The following PKIB variants were observed in gnomAD, a reference collection of about 807,000 sequenced individuals.
The protein encoded by PKIB is cAMP-dependent protein kinase inhibitor beta.
A neutral mutation model predicts 4.5 loss-of-function variants in PKIB; 2 were observed. The ratio of observed to expected loss-of-function variants is 0.44; its 90% CI spans 0.18 to 1.39. The LOEUF (loss-of-function observed/expected upper bound fraction) is 1.39. Among genes scored for constraint, PKIB ranks in the 40% most tolerant of loss-of-function variants. The pLI is 0.27. For synonymous variants in PKIB, 38 were observed against 36.0 expected (o/e 1.06, Z -0.20); for missense variants, 94 against 92.6 (o/e 1.02, Z -0.06).
At chr6:122,554,401 T>C (rs1369537291) in intron 2 of PKIB, among the ~76,000 whole-genome samples, 1 of 152,234 alleles carries the variant, frequency 6.6e-6, no homozygotes, top group African/African-American at 2.4e-5. Flanking sequence ...AAATATAATG[T>C]TAAATAAATC....
At chr6:122,606,761 C>A (rs965423319), upstream of PKIB, among the ~76,000 whole-genome samples, 2 of 151,826 alleles carry the variant, frequency 1.3e-5, no homozygotes, top group Non-Finnish European at 2.9e-5. Context: ...ACTAACCCAC[C>A]AGCATATAAA....
intron 3 of PKIB, 55 bp downstream of exon 3, chr6:122,675,199 A>G (rs894128959): frequency 6.6e-6 from 1 of 152,632 alleles, no homozygotes; most frequent in Non-Finnish European, 1.5e-5. Context: ...TTGTGAAAGA[A>G]ATGGTTCCTA....
At chr6:122,471,957 T>G in exon 1 of PKIB, 1 of 1,092,368 alleles carries the variant, frequency 9.2e-7, no homozygotes, top group East Asian at 2.8e-5. Flanking sequence ...GCTGTCTTCT[T>G]TCCTGGAGAA....
intron 2 of PKIB, among the ~76,000 whole-genome samples, chr6:122,530,178 C>T (rs1582679007): frequency 6.6e-6 from 1 of 151,960 alleles, no homozygotes; most frequent in African/African-American, 2.4e-5. Flanking sequence ...CAAGTTTGCT[C>T]ATTATTTCAT....
At chr6:122,656,488 A>G (rs747473249) in intron 2 of PKIB, among the ~76,000 whole-genome samples, 2 of 152,212 alleles carry the variant, frequency 1.3e-5, no homozygotes, top group Non-Finnish European at 2.9e-5. Flanking sequence ...TTGTTCCCAT[A>G]ACATCAAGCA....
chr6:122,521,654 T>C (rs1294558040), intron 2 of PKIB, among the ~76,000 whole-genome samples: 1 of 152,094 alleles, frequency 6.6e-6, no homozygotes, highest in Non-Finnish European at 1.5e-5. Context: ...CACTCCAGCC[T>C]GGGTGACAGA....
chr6:122,598,632 G>T (rs1774250154), intron 3 of PKIB, among the ~76,000 whole-genome samples: 1 of 152,228 alleles, frequency 6.6e-6, no homozygotes, highest in South Asian at 2.1e-4. Context: ...AACCCTCCCA[G>T]CTGGGATGAG....
intron 2 of PKIB, among the ~76,000 whole-genome samples, chr6:122,566,665 C>T (rs1029978167): frequency 9.2e-5 from 14 of 151,416 alleles, no homozygotes; most frequent in Admixed American, 3.3e-4. Context: ...TTCCTTCCTT[C>T]CTTCCTTCTC....
At chr6:122,710,949 G>A (rs1005430999) in intron 3 of PKIB, among the ~76,000 whole-genome samples, 1 of 152,160 alleles carries the variant, frequency 6.6e-6, no homozygotes, top group Non-Finnish European at 1.5e-5. Context: ...AAAAAAGAAT[G>A]AGAAGGGTTT....
chr6:122,575,035 T>C (rs1773485418), intron 2 of PKIB, among the ~76,000 whole-genome samples: 1 of 151,916 alleles, frequency 6.6e-6, no homozygotes, highest in Admixed American at 6.6e-5. Flanking sequence ...TACAAGGAAC[T>C]CAAACAAATC....
intron 2 of PKIB, among the ~76,000 whole-genome samples, chr6:122,495,581 C>T (rs1355116841): frequency 6.6e-6 from 1 of 152,052 alleles, no homozygotes; most frequent in East Asian, 1.9e-4. Context: ...TAGTGGGCCA[C>T]CTGGGGCCTC....
At chr6:122,723,559 A>G (rs1000095932) in intron 4 of PKIB, among the ~76,000 whole-genome samples, 1 of 152,060 alleles carries the variant, frequency 6.6e-6, no homozygotes, top group Admixed American at 6.6e-5. Flanking sequence ...TTTTTCACTC[A>G]CAGGATCTAG....
chr6:122,627,421 T>G (rs1465395115), intron 1 of PKIB, among the ~76,000 whole-genome samples: 1 of 152,192 alleles, frequency 6.6e-6, no homozygotes. Flanking sequence ...CCCCTGGATT[T>G]GATCAATTGA....
intron 3 of PKIB, among the ~76,000 whole-genome samples, chr6:122,711,455 TC>T (rs1326108961): frequency 5.3e-5 from 8 of 152,184 alleles, no homozygotes; most frequent in Non-Finnish European, 1.2e-4. Flanking sequence ...AAATGTAATA[TC>T]CTGCAATCAT....
At chr6:122,724,525 A>G (rs1339451030) in intron 4 of PKIB, among the ~76,000 whole-genome samples, 2 of 152,200 alleles carry the variant, frequency 1.3e-5, no homozygotes, top group Non-Finnish European at 2.9e-5. Flanking sequence ...AACAAATTAC[A>G]TAGCCAGTGC....
At chr6:122,696,128 T>G (rs540735162) in intron 3 of PKIB, among the ~76,000 whole-genome samples, 1 of 152,210 alleles carries the variant, frequency 6.6e-6, no homozygotes, top group Non-Finnish European at 1.5e-5. Context: ...TTTCTGTTTT[T>G]TAAAATCTAA....
chr6:122,636,552 TTA>T (rs1257840376), intron 2 of PKIB, among the ~76,000 whole-genome samples: 13 of 152,096 alleles, frequency 8.5e-5, no homozygotes, highest in Admixed American at 2.0e-4. Context: ...GTTAAGTATG[TTA>T]TGCAGAAAGA....
At chr6:122,488,380 G>A (rs938054654) in intron 2 of PKIB, among the ~76,000 whole-genome samples, 2 of 152,062 alleles carry the variant, frequency 1.3e-5, no homozygotes, top group Non-Finnish European at 2.9e-5. Context: ...CCACCTAGAA[G>A]CTGAATACTG....
chr6:122,535,909 A>C (rs761771062), intron 2 of PKIB, among the ~76,000 whole-genome samples: 1 of 152,142 alleles, frequency 6.6e-6, no homozygotes, highest in African/African-American at 2.4e-5. Context: ...TGTGAACATC[A>C]TGACACTCTA....
Sources: gnomAD v4.1 joint callset for allele counts (sites outside exome capture counted in the v4.1 genomes callset) on GRCh38, gnomAD v4.1.1 for gene constraint, MANE v1.5 for transcripts, NCBI Gene and HGNC (gene_info 2026-07-23, HGNC 2026-07-21) for gene names.